Variants in CGREF1 observed in about 807,000 individuals in gnomAD.
CGREF1 encodes cell growth regulator with EF hand domain protein 1.
In CGREF1, 16 loss-of-function variants were observed where a neutral mutation model predicts 17.4. The observed-to-expected ratio is 0.92, with a 90% CI of 0.62 to 1.40. The LOEUF (loss-of-function observed/expected upper bound fraction) is 1.40, where lower values mean the gene tolerates loss of function less well. CGREF1 is among the 40% of genes most tolerant of loss of function. The pLI is 0.00. For synonymous variants in CGREF1, 142 were observed against 154.6 expected (o/e 0.92, Z 0.61); for missense variants, 296 against 376.4 (o/e 0.79, Z 1.77).
At position 27,100,898 on chromosome 2, in the gene CGREF1, C is replaced by A. The variant is rs1334619569; in HGVS notation, c.*376G>T. On this transcript the variant is annotated 3_prime_UTR_variant, in exon 6 of 6. Coordinates refer to ENST00000402394, the MANE Select transcript of CGREF1 (RefSeq NM_006569.6). ...TGAGGGTTTGGGGCCCAGGGATAGA[C>A]TGAGCTTTCCTCACTGGGTCCTCTG... The A allele has an allele frequency of 3.7e-6, 4 of 1,090,634 alleles. No individual in the cohort carries two copies. The highest frequency in any genetic ancestry group is 4.5e-6 in the Non-Finnish European group (4 of 895,608). The allele number at this position is 1,090,634 out of a possible 1,614,324, so 67.6% of individuals were successfully genotyped here. A position where few individuals can be genotyped will look rare whatever the true frequency, so the allele number is the denominator to read the frequency against.
intron 2 of CGREF1, 142 bp from the exon 3 acceptor site, chr2:27,102,733 G>A (rs2148381727): frequency 1.0e-6 from 1 of 1,003,182 alleles, no homozygotes; most frequent in Non-Finnish European, 1.4e-6. Context: ...CCCTGTAGTG[G>A]GGAGGCTCTT....
chr2:27,111,542 G>C (rs1671382674), intron 1 of CGREF1, among the ~76,000 whole-genome samples: 1 of 152,248 alleles, frequency 6.6e-6, no homozygotes, highest in Non-Finnish European at 1.5e-5. Flanking sequence ...TGGTCGATGG[G>C]ACAGGGCGCC....
intron 1 of CGREF1, among the ~76,000 whole-genome samples, chr2:27,113,579 C>G (rs777357459): frequency 2.0e-5 from 3 of 152,178 alleles, no homozygotes; most frequent in South Asian, 4.2e-4. Context: ...TGGTACGGCC[C>G]AAAGTTGGGG....
downstream of CGREF1, chr2:27,099,933 G>A: frequency 7.4e-7 from 1 of 1,349,340 alleles, no homozygotes. Context: ...GCTGGGGGAT[G>A]CAGAGCCTCA....
At chr2:27,103,062 G>A in intron 2 of CGREF1, 6 of 985,382 alleles carry the variant, frequency 6.1e-6, no homozygotes, top group Non-Finnish European at 6.0e-6. Flanking sequence ...AGGACAGGGT[G>A]TATCTGTTGG....
intron 2 of CGREF1, chr2:27,103,142 G>C (rs951612682): frequency 5.1e-6 from 5 of 983,490 alleles, no homozygotes; most frequent in Non-Finnish European, 6.0e-6. Context: ...CCCACTTCTG[G>C]ACTGGGTTAA....
At chr2:27,110,317 A>T (rs1380382285) in intron 1 of CGREF1, among the ~76,000 whole-genome samples, 1 of 152,146 alleles carries the variant, frequency 6.6e-6, no homozygotes, top group East Asian at 1.9e-4. Flanking sequence ...TGGGAAGAAC[A>T]TTTGAACGTG....
chr2:27,100,095 T>G (rs1670717818), downstream of CGREF1: 2 of 588,054 alleles, frequency 3.4e-6, no homozygotes, highest in African/African-American at 1.9e-5. Context: ...AGGGGCTGCC[T>G]GGGCTAGAGC....
At position 27,109,885 on chromosome 2, in the gene CGREF1, C is replaced by CA. The variant is rs55824603; in HGVS notation, c.-11-5509dup. Reference sequence around the variant, plus strand: ...GGGCAACAAGAGGAAGACTCCGTCTCAAAAAAAAAAAAAAAAAAAAAAAAA... The same window carrying CA: ...GGGCAACAAGAGGAAGACTCCGTCTCAAAAAAAAAAAAAAAAAAAAAAAAAA... On this transcript the variant is annotated intron_variant, in intron 1 of 5. Transcript: ENST00000402394. 9.1e-3 allele frequency among the ~76,000 whole-genome samples: 600 copies of CA among 65,812 alleles called. 164 individuals are homozygous for CA. Among genetic ancestry groups the CA allele is most frequent in the African/African-American group, 0.027 (313 of 11,554 alleles). 43.2% of individuals were successfully genotyped at this position (65,812 alleles called of 152,430 possible). A position where few individuals can be genotyped will look rare whatever the true frequency, so the allele number is the denominator to read the frequency against.
In CGREF1 at chr2:27,100,937, C is replaced by A; in HGVS notation, c.*337G>T. ...CTGGGTCCTCTGCAGCCGGCCATGG[C>A]TAGCACCATGCGCTCTGCTGCCGGA... On this transcript the variant is annotated 3_prime_UTR_variant, in exon 6 of 6. Coordinates refer to ENST00000402394, the MANE Select transcript of CGREF1 (RefSeq NM_006569.6). The A allele has an allele frequency of 8.8e-7, 1 of 1,131,886 alleles. No individual in the cohort carries two copies. 70.1% of individuals were successfully genotyped at this position (1,131,886 alleles called of 1,614,324 possible).
intron 1 of CGREF1, among the ~76,000 whole-genome samples, chr2:27,117,016 G>A (rs1010281843): frequency 1.3e-5 from 2 of 151,400 alleles, no homozygotes; most frequent in Non-Finnish European, 2.9e-5. Flanking sequence ...AGGCTCAAGC[G>A]ATTCTCCTGC....
intron 2 of CGREF1, 56 bp from the exon 3 acceptor site, chr2:27,102,647 T>G: frequency 1.3e-6 from 2 of 1,537,514 alleles, no homozygotes; most frequent in Non-Finnish European, 1.8e-6. Context: ...GGGCCCAGCC[T>G]GCCAACCTTC....
chr2:27,102,335 TG>T (rs761280716), intron 4 of CGREF1, 24 bp downstream of exon 4: 11 of 1,613,766 alleles, frequency 6.8e-6, no homozygotes, highest in Non-Finnish European at 9.3e-6. Flanking sequence ...CTCCCGTCCC[TG>T]GCCCCATCAG....
At chr2:27,108,419 G>A (rs997129537) in intron 1 of CGREF1, among the ~76,000 whole-genome samples, 1 of 152,168 alleles carries the variant, frequency 6.6e-6, no homozygotes, top group Admixed American at 6.5e-5. Flanking sequence ...CAGAGGTTAA[G>A]TGGCAAGGTG....
chr2:27,100,923 G>A lies in CGREF1; in HGVS notation c.*351C>T. The A allele has an allele frequency of 2.7e-6, 3 of 1,101,084 alleles. No individual in the cohort carries two copies. Among genetic ancestry groups the A allele is most frequent in the East Asian group, 6.6e-5 (1 of 15,098 alleles). The allele number at this position is 1,101,084 out of a possible 1,614,324, so 68.2% of individuals were successfully genotyped here. A position where few individuals can be genotyped will look rare whatever the true frequency, so the allele number is the denominator to read the frequency against. On this transcript the variant is annotated 3_prime_UTR_variant, in exon 6 of 6. Transcript: ENST00000402394. ...CTGAGCTTTCCTCACTGGGTCCTCT[G>A]CAGCCGGCCATGGCTAGCACCATGC...
At chr2:27,114,759 A>T (rs1671512288) in intron 1 of CGREF1, among the ~76,000 whole-genome samples, 1 of 152,054 alleles carries the variant, frequency 6.6e-6, no homozygotes, top group South Asian at 2.1e-4. Context: ...TTCCCAGCCC[A>T]ACAACCAGAC....
In CGREF1 at chr2:27,102,548, G is replaced by A. The variant is rs1246335270; in HGVS notation, c.124C>T (p.Gln42Ter). Residue 42 changes from glutamine to a stop codon, truncating the protein, a stop_gained, in exon 3 of 6, where the codon CAG becomes TAG. Coordinates refer to ENST00000402394, the MANE Select transcript of CGREF1 (RefSeq NM_006569.6). LOFTEE classifies it high-confidence loss of function. ...CACCCGAGCTGCTCCTGGCCTGGCT[G>A]GAAGGGGTTGGGCAGGAGCTGATGC... ...VQHQLLPNPF[Q>*]PGQEQLGLLQ... The A allele has an allele frequency of 1.9e-6, 3 of 1,613,822 alleles. No homozygotes were observed. In the East Asian group the frequency reaches 6.7e-5, roughly 36 times the overall value.
At chr2:27,114,693 G>C (rs988964219) in intron 1 of CGREF1, among the ~76,000 whole-genome samples, 1 of 152,166 alleles carries the variant, frequency 6.6e-6, no homozygotes, top group African/African-American at 2.4e-5. Flanking sequence ...CTACGGAAGA[G>C]AGAGTGTGGA....
At position 27,101,889 on chromosome 2, in the gene CGREF1, C is replaced by T. The variant is rs996472713; in HGVS notation, c.343-1G>A. 6.2e-7 allele frequency: 1 copy of T among 1,609,166 alleles called. No homozygotes were observed. The highest frequency in any genetic ancestry group is 8.5e-7 in the Non-Finnish European group (1 of 1,177,778). On this transcript the variant is annotated splice_acceptor_variant, in intron 5 of 5. Transcript: ENST00000402394. LOFTEE classifies it high-confidence loss of function. ...GCACTTTGTCCACTATCAAGATCAC[C>T]TGTGGAAGCAGAGTCACTGTGGGGT... is the stretch of plus-strand genomic sequence containing the variant.
Sources: gnomAD v4.1 joint callset for allele counts (sites outside exome capture counted in the v4.1 genomes callset) on GRCh38, gnomAD v4.1.1 for gene constraint, MANE v1.5 for transcripts, NCBI Gene and HGNC (gene_info 2026-07-23, HGNC 2026-07-21) for gene names.